GALC: variants seen among roughly 807,000 people sequenced by gnomAD.
The protein encoded by GALC is galactocerebrosidase.
In GALC, 77 loss-of-function variants were observed where a neutral mutation model predicts 91.8. The ratio of observed to expected loss-of-function variants is 0.84; its 90% CI spans 0.70 to 1.01. The LOEUF is 1.01. GALC is among the 50% of genes least tolerant of loss of function. The pLI is 0.00. For synonymous variants in GALC, 357 were observed against 306.7 expected (o/e 1.16, Z -1.71); for missense variants, 882 against 855.9 (o/e 1.03, Z -0.38).
intron 13 of GALC, 52 bp downstream of exon 13, chr14:87,947,676 A>C: frequency 6.5e-7 from 1 of 1,548,514 alleles, no homozygotes; most frequent in Non-Finnish European, 8.9e-7. Flanking sequence ...AGAAATCAAC[A>C]CACTACTGTT....
chr14:87,965,718 A>G, intron 8 of GALC, 89 bp from the exon 9 acceptor site: 1 of 1,210,888 alleles, frequency 8.3e-7, no homozygotes, highest in Non-Finnish European at 1.2e-6. Flanking sequence ...ACTTTATCAT[A>G]GTAATACACA....
intron 8 of GALC, among the ~76,000 whole-genome samples, chr14:87,967,163 A>G (rs1886091030): frequency 6.6e-6 from 1 of 152,248 alleles, no homozygotes; most frequent in South Asian, 2.1e-4. Flanking sequence ...AATGTGAGAA[A>G]AAGTTCCTAA....
chr14:87,992,586 C>G (rs958435771), intron 1 of GALC: 1 of 1,467,610 alleles, frequency 6.8e-7, no homozygotes, highest in Admixed American at 2.5e-5. Context: ...TCCCGCACTC[C>G]CTGGCCCTTT....
intron 15 of GALC, 43 bp downstream of exon 15, chr14:87,941,352 G>T: frequency 8.3e-7 from 1 of 1,204,582 alleles, no homozygotes; most frequent in Non-Finnish European, 1.2e-6. Context: ...AAGTAACATA[G>T]CCCATAAGTC....
intron 14 of GALC, among the ~76,000 whole-genome samples, 179 bp from the exon 15 acceptor site, chr14:87,941,737 T>C (rs1012511324): frequency 6.6e-6 from 1 of 152,046 alleles, no homozygotes; most frequent in African/African-American, 2.4e-5. Context: ...CAGTTTTAAA[T>C]GTTACATGAC....
At chr14:87,983,869 G>A (rs763199417) in intron 5 of GALC, among the ~76,000 whole-genome samples, 1 of 152,176 alleles carries the variant, frequency 6.6e-6, no homozygotes, top group Admixed American at 6.5e-5. Flanking sequence ...TACAACTTGA[G>A]AGCTAAAAGT....
At chr14:87,972,036 T>C (rs1476300066) in intron 7 of GALC, among the ~76,000 whole-genome samples, 6 of 152,054 alleles carry the variant, frequency 3.9e-5, no homozygotes, top group Non-Finnish European at 7.4e-5. Context: ...AAGCACAACA[T>C]GAATGAGGCA....
chr14:87,952,553 A>G, intron 10 of GALC: 1 of 917,860 alleles, frequency 1.1e-6, no homozygotes, highest in Non-Finnish European at 1.8e-6. Context: ...AAATGACAGT[A>G]TCACAACACA....
rs1259652443 is a variant in GALC at position 87,984,151 on chromosome 14, A to AAAC, written c.582+240_582+242dup. Among the ~76,000 whole-genome samples, 788 of 148,916 alleles carry AAAC rather than the reference A, an allele frequency of 5.3e-3. 11 individuals carry two copies. The highest frequency in any genetic ancestry group is 0.018 in the African/African-American group (753 of 40,920). On this transcript the variant is annotated intron_variant, in intron 5 of 16. Transcript: ENST00000261304. The stretch of plus-strand genomic sequence containing the variant: ...GGGTTGATACAAAAAAAAAAAAAAA[A>AAAC]AACCCAGCTCAGAGGAAGGAGGTAT...
At chr14:87,938,371 G>C (rs454425) in intron 16 of GALC, among the ~76,000 whole-genome samples, 32,602 of 151,846 alleles carry the variant, frequency 0.21, 4,447 homozygotes, top group Non-Finnish European at 0.3. Context: ...AGGTGGTCAG[G>C]TAAGAAAACT....
chr14:87,943,470 T>A (rs1284985316), intron 14 of GALC, among the ~76,000 whole-genome samples: 1 of 152,026 alleles, frequency 6.6e-6, no homozygotes, highest in African/African-American at 2.4e-5. Context: ...GCACTACAGA[T>A]AAACTAAACA....
chr14:87,936,405 C>T (rs569047251), intron 16 of GALC, among the ~76,000 whole-genome samples: 2 of 152,090 alleles, frequency 1.3e-5, no homozygotes, highest in African/African-American at 2.4e-5. Context: ...AACACAGCCA[C>T]ATCCATTGTC....
At position 87,934,503 on chromosome 14, in the gene GALC, G is replaced by A; in HGVS notation, c.*229C>T. 2 of 1,410,804 alleles carry A rather than the reference G, an allele frequency of 1.4e-6. No individual in the cohort carries two copies. The highest frequency in any genetic ancestry group is 1.8e-6 in the Non-Finnish European group (2 of 1,086,150). The allele number at this position is 1,410,804 out of a possible 1,614,324, so 87.4% of individuals were successfully genotyped here. A position where few individuals can be genotyped will look rare whatever the true frequency, so the allele number is the denominator to read the frequency against. ...TGGCCAATGCACAGTTTGAATGTTA[G>A]GGAACACACCAGGTAATGTTAAAGA... On this transcript the variant is annotated 3_prime_UTR_variant, in exon 17 of 17. Transcript: ENST00000261304.
chr14:87,990,433 G>A (rs1490908581), intron 1 of GALC, among the ~76,000 whole-genome samples: 2 of 152,078 alleles, frequency 1.3e-5, no homozygotes, highest in African/African-American at 4.8e-5. Flanking sequence ...TAAAGGACTT[G>A]GCACATTACC....
At chr14:87,975,037 A>T (rs780275471) in intron 7 of GALC, among the ~76,000 whole-genome samples, 6 of 152,132 alleles carry the variant, frequency 3.9e-5, no homozygotes, top group Non-Finnish European at 1.5e-5. Context: ...CTTTAACAAC[A>T]GCAAAACTTT....
At chr14:87,968,290 T>TA in intron 8 of GALC, 45 bp downstream of exon 8, 2 of 1,512,680 alleles carry the variant, frequency 1.3e-6, no homozygotes, top group Non-Finnish European at 1.8e-6. Context: ...CTTATGTTTT[T>TA]AAATTTTTTT....
At chr14:87,959,380 A>T (rs1189980853) in intron 10 of GALC, among the ~76,000 whole-genome samples, 1 of 152,208 alleles carries the variant, frequency 6.6e-6, no homozygotes. Context: ...TTAGGGTTGT[A>T]AATTGGTACA....
intron 6 of GALC, among the ~76,000 whole-genome samples, chr14:87,978,840 AC>A (rs1886622088): frequency 6.6e-6 from 1 of 151,730 alleles, no homozygotes; most frequent in African/African-American, 2.4e-5. Flanking sequence ...AAAAAAAAAA[AC>A]TTCAAAGAAA....
intron 5 of GALC, among the ~76,000 whole-genome samples, chr14:87,983,255 C>T (rs767964635): frequency 6.6e-6 from 1 of 151,994 alleles, no homozygotes; most frequent in Non-Finnish European, 1.5e-5. Flanking sequence ...TCACTTGAAC[C>T]CAGGAGGCAG....
Sources: gnomAD v4.1 joint callset for allele counts (sites outside exome capture counted in the v4.1 genomes callset) on GRCh38, gnomAD v4.1.1 for gene constraint, MANE v1.5 for transcripts, NCBI Gene and HGNC (gene_info 2026-07-23, HGNC 2026-07-21) for gene names.